The following SORCS2 variants were observed in gnomAD, a reference collection of about 807,000 sequenced individuals.
SORCS2 encodes the protein sortilin related VPS10 domain containing receptor 2, also known as VPS10 domain-containing receptor SorCS2.
SORCS2 carries 100 observed loss-of-function variants against 141.6 expected under a neutral mutation model. The ratio of observed to expected loss-of-function variants is 0.71; its 90% CI spans 0.60 to 0.83. The LOEUF is 0.83. SORCS2 is among the 40% of genes least tolerant of loss of function. The pLI, the probability that SORCS2 is intolerant of heterozygous loss-of-function variation, is 0.00. For missense variants in SORCS2, 1,646 were observed against 1,560.2 expected, an observed-to-expected ratio of 1.05 and a Z score of -0.93; for synonymous variants, 789 against 676.9, an observed-to-expected ratio of 1.17 and a Z score of -2.57.
intron 4 of SORCS2, among the ~76,000 whole-genome samples, chr4:7,646,470 A>C (rs1307821555): frequency 6.6e-6 from 1 of 152,172 alleles, no homozygotes; most frequent in Non-Finnish European, 1.5e-5. Context: ...TGGTGTCCTT[A>C]TAAGAAGAGG....
intron 1 of SORCS2, among the ~76,000 whole-genome samples, chr4:7,339,177 C>T (rs182237750): frequency 2.6e-4 from 39 of 152,292 alleles, no homozygotes; most frequent in Non-Finnish European, 3.7e-4. Flanking sequence ...GCCCATGGAG[C>T]GCTGCCCTTT....
intron 1 of SORCS2, among the ~76,000 whole-genome samples, chr4:7,308,695 T>A (rs1717992514): frequency 6.6e-6 from 1 of 151,698 alleles, no homozygotes. Flanking sequence ...ACTCCCCCTC[T>A]TCCCACCAGC....
intron 3 of SORCS2, among the ~76,000 whole-genome samples, chr4:7,626,463 A>AATGTACT (rs1196892407): frequency 3.3e-5 from 5 of 152,188 alleles, no homozygotes; most frequent in Non-Finnish European, 7.3e-5. Context: ...AAGAAAGAAA[A>AATGTACT]ATGTACTATC....
In SORCS2 at chr4:7,724,148, G is replaced by A. The variant is rs547480833; in HGVS notation, c.2611+265G>A. On this transcript the variant is annotated intron_variant, in intron 19 of 26. Coordinates refer to ENST00000507866, the MANE Select transcript of SORCS2 (RefSeq NM_020777.3). Reference sequence around the variant, plus strand: ...GGTGGTGGTGGTGGTGGTGATGGTCGTGGTGGTGGTGGTGATGGTGGTGAT... The same window carrying A: ...GGTGGTGGTGGTGGTGGTGATGGTCATGGTGGTGGTGGTGATGGTGGTGAT... 6.2e-3 allele frequency among the ~76,000 whole-genome samples: 505 copies of A among 81,100 alleles called. 1 individual carries two copies. The highest frequency in any genetic ancestry group is 0.02 in the African/African-American group (455 of 23,216). The allele number at this position is 81,100 out of a possible 152,430, so 53.2% of individuals were successfully genotyped here.
chr4:7,572,611 A>G (rs938444870), intron 3 of SORCS2, among the ~76,000 whole-genome samples: 3 of 152,248 alleles, frequency 2.0e-5, no homozygotes, highest in African/African-American at 4.8e-5. Context: ...AGCATTCTGC[A>G]CAAAGATGTG....
intron 5 of SORCS2, among the ~76,000 whole-genome samples, chr4:7,656,499 A>G (rs1251204055): frequency 3.3e-5 from 5 of 152,344 alleles, no homozygotes; most frequent in African/African-American, 4.8e-5. Context: ...TCGGGCACGC[A>G]TTCTAGGTCT....
chr4:7,468,564 G>C (rs759521867), intron 2 of SORCS2, among the ~76,000 whole-genome samples: 9 of 152,258 alleles, frequency 5.9e-5, no homozygotes, highest in Admixed American at 2.6e-4. Context: ...ACTTGGAAAG[G>C]TTTGTTGAAT....
chr4:7,655,226 C>T (rs981513123), intron 5 of SORCS2, among the ~76,000 whole-genome samples: 2 of 151,604 alleles, frequency 1.3e-5, no homozygotes, highest in Non-Finnish European at 2.9e-5. Flanking sequence ...CACACACACA[C>T]AGTGCTAGCC....
intron 1 of SORCS2, among the ~76,000 whole-genome samples, chr4:7,353,982 G>A (rs1222270269): frequency 2.0e-5 from 3 of 152,172 alleles, no homozygotes; most frequent in African/African-American, 7.2e-5. Context: ...GGCAGCCCAA[G>A]AAGTAAGTGT....
At chr4:7,369,321 C>G (rs1409213035) in intron 1 of SORCS2, among the ~76,000 whole-genome samples, 1 of 152,120 alleles carries the variant, frequency 6.6e-6, no homozygotes, top group African/African-American at 2.4e-5. Flanking sequence ...AAAACCAAAC[C>G]AAACCAAAAC....
intron 3 of SORCS2, among the ~76,000 whole-genome samples, chr4:7,541,452 G>A (rs1366753383): frequency 2.0e-5 from 3 of 152,238 alleles, no homozygotes; most frequent in Non-Finnish European, 2.9e-5. Context: ...ATTCTCTGAT[G>A]ATGGTCTCTG....
At chr4:7,539,689 ATGGAGGCCCCGCCCCTTCCTGCTG>A (rs1438032627) in intron 3 of SORCS2, among the ~76,000 whole-genome samples, 28 of 150,998 alleles carry the variant, frequency 1.9e-4, no homozygotes, top group African/African-American at 4.6e-4. Context: ...GACCCCCGTT[ATGGAGGCCCCGCCCCTTCCTGCTG>A]TGGAGGCCCC....
intron 8 of SORCS2, among the ~76,000 whole-genome samples, chr4:7,671,597 G>A (rs1722801938): frequency 6.6e-6 from 1 of 152,178 alleles, no homozygotes; most frequent in African/African-American, 2.4e-5. Flanking sequence ...TTCGAAAGCA[G>A]AATTGAAAGG....
intron 2 of SORCS2, among the ~76,000 whole-genome samples, chr4:7,511,622 C>A (rs1459897069): frequency 6.6e-6 from 1 of 152,134 alleles, no homozygotes; most frequent in Non-Finnish European, 1.5e-5. Flanking sequence ...TTCTGCAGAG[C>A]TGGCCTGGGC....
chr4:7,367,589 A>G (rs1378830400), intron 1 of SORCS2, among the ~76,000 whole-genome samples: 1 of 152,200 alleles, frequency 6.6e-6, no homozygotes, highest in African/African-American at 2.4e-5. Flanking sequence ...CTTCTCGCTC[A>G]GGGCTGGGCT....
chr4:7,377,305 C>T (rs1480680377), intron 1 of SORCS2, among the ~76,000 whole-genome samples: 1 of 151,834 alleles, frequency 6.6e-6, no homozygotes, highest in African/African-American at 2.4e-5. Flanking sequence ...GATACAGCTT[C>T]GAATGTTGAC....
chr4:7,721,947 A>G (rs1159653656), intron 18 of SORCS2, among the ~76,000 whole-genome samples: 1 of 152,176 alleles, frequency 6.6e-6, no homozygotes, highest in Non-Finnish European at 1.5e-5. Context: ...ATATACCAGG[A>G]TGTGAATGGA....
At chr4:7,496,465 GTCCCCCGTCCCCCA>G (rs71175409) in intron 2 of SORCS2, among the ~76,000 whole-genome samples, 6 of 83,664 alleles carry the variant, frequency 7.2e-5, no homozygotes, top group Admixed American at 2.5e-4. Context: ...CCCGTCCCCC[GTCCCCCGTCCCCCA>G]TCCCCCATCT....
chr4:7,650,650 C>T (rs1015710472), intron 4 of SORCS2, among the ~76,000 whole-genome samples: 148 of 152,178 alleles, frequency 9.7e-4, no homozygotes, highest in Non-Finnish European at 1.2e-3. Context: ...GACTCAGAGG[C>T]CATGACAGGG....
Sources: gnomAD v4.1 joint callset for allele counts (sites outside exome capture counted in the v4.1 genomes callset) on GRCh38, gnomAD v4.1.1 for gene constraint, MANE v1.5 for transcripts, NCBI Gene and HGNC (gene_info 2026-07-23, HGNC 2026-07-21) for gene names.